The following RHOBTB2 variants were observed in gnomAD, a reference collection of about 807,000 sequenced individuals.
The protein encoded by RHOBTB2 is rho-related BTB domain-containing protein 2.
Under a neutral mutation model 66.5 loss-of-function variants are expected in RHOBTB2, and 39 were observed. The observed-to-expected ratio is 0.59, with a 90% CI of 0.45 to 0.77. The LOEUF (loss-of-function observed/expected upper bound fraction) is 0.77. Among genes scored for constraint, RHOBTB2 ranks in the 30% least tolerant of loss-of-function variants. The probability of loss-of-function intolerance (pLI) is 0.00; values close to 1 mark genes in which losing one functional copy is unlikely to be tolerated. For missense variants in RHOBTB2, 755 were observed against 999.1 expected (o/e 0.76, Z 3.29); for synonymous variants, 390 against 395.0 (o/e 0.99, Z 0.15).
chr8:22,973,480 C>T, the RHOBTB2 span, among the ~76,000 whole-genome samples: 38 of 152,210 alleles, frequency 2.5e-4, no homozygotes, highest in Non-Finnish European at 4.6e-4. Flanking sequence ...GCAATCTTCC[C>T]ACCTTGGCCT....
At chr8:23,009,170 A>AAGATAG in intron 6 of RHOBTB2, among the ~76,000 whole-genome samples, 1 of 138,312 alleles carries the variant, frequency 7.2e-6, no homozygotes, top group South Asian at 2.4e-4. Flanking sequence ...AAAAGAAAAA[A>AAGATAG]AGAGAGAGAG....
the RHOBTB2 span, among the ~76,000 whole-genome samples, chr8:22,959,222 T>C: frequency 7.0e-6 from 1 of 143,520 alleles, no homozygotes; most frequent in African/African-American, 2.6e-5. Flanking sequence ...GGGTCCCATT[T>C]TTAATCTTTC....
chr8:22,963,677 C>T, the RHOBTB2 span, among the ~76,000 whole-genome samples: 2 of 152,220 alleles, frequency 1.3e-5, no homozygotes, highest in South Asian at 2.1e-4. Flanking sequence ...ACAATCATGG[C>T]GGAAGGCAAG....
At chr8:22,963,736 G>A in the RHOBTB2 span, among the ~76,000 whole-genome samples, 1 of 152,006 alleles carries the variant, frequency 6.6e-6, no homozygotes, top group Non-Finnish European at 1.5e-5. Flanking sequence ...CAAAAAATGA[G>A]AGAGGTTGTG....
chr8:22,958,571 G>C, the RHOBTB2 span, among the ~76,000 whole-genome samples: 3 of 152,082 alleles, frequency 2.0e-5, no homozygotes, highest in Admixed American at 2.0e-4. Flanking sequence ...AGTTGAGGCA[G>C]CAGGATTTCT....
intron 1 of RHOBTB2, among the ~76,000 whole-genome samples, chr8:22,990,389 A>AGGCAGCCTGCAGGCAGGAC (rs1255898803): frequency 1.6e-3 from 245 of 152,238 alleles, no homozygotes; most frequent in Non-Finnish European, 2.6e-3. Context: ...TGCAGCTGGG[A>AGGCAGCCTGCAGGCAGGAC]GGCAGCCTGC....
Position 23,004,660 on chromosome 8 carries a change from C to G in RHOBTB2, c.192+34C>G, listed in dbSNP as rs1301852026. 3 of 1,576,218 alleles carry G rather than the reference C, an allele frequency of 1.9e-6. No homozygotes were observed. The highest frequency in any genetic ancestry group is 2.6e-6 in the Non-Finnish European group (3 of 1,157,816). On this transcript the variant is annotated intron_variant, in intron 2 of 9. Coordinates refer to ENST00000251822, the MANE Select transcript of RHOBTB2 (RefSeq NM_015178.3). This position sits in a 1 kb window ranked among gnomAD's most constrained non-coding sequence, Gnocchi z 6.4. ...GCAGGACTACCTGGCTGGGGGTCCA[C>G]GCCATGAGTCTGGGCTTGGGGGCTT...
Position 23,007,562 on chromosome 8 carries a change from T to G in RHOBTB2, c.1317T>G (p.Asp439Glu). ...VLKYLYTGEL[D>E]ENERDLMHIA... is the part of the protein sequence containing the mutation. ...AGTACCTGTACACGGGGGAGCTAGATGAGAACGAGCGTGACCTCATGCACA... is the reference window on the plus strand; with the variant it reads ...AGTACCTGTACACGGGGGAGCTAGAGGAGAACGAGCGTGACCTCATGCACA... The change falls in exon 5 of 10, where the codon GAT becomes GAG. Residue 439 changes from aspartate to glutamate, a missense_variant. Coordinates refer to ENST00000251822, the MANE Select transcript of RHOBTB2 (RefSeq NM_015178.3). 6.2e-7 allele frequency: 1 copy of G among 1,614,184 alleles called. No individual in the cohort carries two copies. The highest frequency in any genetic ancestry group is 8.5e-7 in the Non-Finnish European group (1 of 1,180,034).
chr8:22,974,273 C>T, the RHOBTB2 span, among the ~76,000 whole-genome samples: 1 of 152,348 alleles, frequency 6.6e-6, no homozygotes, highest in Admixed American at 6.5e-5. Context: ...GAGAACTGGG[C>T]TCCCGTCACC....
Position 23,017,685 on chromosome 8 carries a change from C to A in RHOBTB2, c.*216C>A. 1 of 670,180 alleles carries A rather than the reference C, an allele frequency of 1.5e-6. No individual in the cohort carries two copies. Among genetic ancestry groups the A allele is most frequent in the Non-Finnish European group, 2.5e-6 (1 of 405,292 alleles). The allele number at this position is 670,180 out of a possible 1,614,324, so 41.5% of individuals were successfully genotyped here. ...GAACCACCTGCAGAGGTCCCCAGAC[C>A]CAAAGCAGGACGGGAGACAACTGCT... On this transcript the variant is annotated 3_prime_UTR_variant, in exon 10 of 10. Coordinates refer to ENST00000251822, the MANE Select transcript of RHOBTB2 (RefSeq NM_015178.3). The surrounding 1 kb of genome is among the most constrained non-coding windows in gnomAD (Gnocchi z 5.3).
the RHOBTB2 span, among the ~76,000 whole-genome samples, chr8:22,980,247 G>A: frequency 6.6e-6 from 1 of 152,222 alleles, no homozygotes; most frequent in East Asian, 1.9e-4. Context: ...TATATCATCT[G>A]ATTAGTTTCC....
Position 22,999,890 on chromosome 8 carries a change from C to T in RHOBTB2, c.-226C>T, listed in dbSNP as rs1810716988. 6.1e-6 allele frequency: 6 copies of T among 985,184 alleles called. No homozygotes were observed. Among genetic ancestry groups the T allele is most frequent in the Non-Finnish European group, 6.0e-6 (5 of 829,856 alleles). The allele number at this position is 985,184 out of a possible 1,614,324, so 61.0% of individuals were successfully genotyped here. A position where few individuals can be genotyped will look rare whatever the true frequency, so the allele number is the denominator to read the frequency against. ...GCGGCTGCAGTGCAGCGCGCGCGTCCGCTCCTGGGCCCACGTCCGGCCTGG... is the reference window on the plus strand; with the variant it reads ...GCGGCTGCAGTGCAGCGCGCGCGTCTGCTCCTGGGCCCACGTCCGGCCTGG... On this transcript the variant is annotated 5_prime_UTR_variant, in exon 1 of 10. Coordinates refer to ENST00000251822, the MANE Select transcript of RHOBTB2 (RefSeq NM_015178.3).
the RHOBTB2 span, among the ~76,000 whole-genome samples, chr8:22,955,330 G>A: frequency 6.6e-6 from 1 of 152,080 alleles, no homozygotes; most frequent in Non-Finnish European, 1.5e-5. Flanking sequence ...ACCGCCTTTC[G>A]GAAGAGCACT....
chr8:23,010,758 CCT>C, intron 7 of RHOBTB2, 70 bp downstream of exon 7: 2 of 1,513,796 alleles, frequency 1.3e-6, no homozygotes, highest in Non-Finnish European at 1.8e-6. Context: ...GCAATGTTCT[CCT>C]CTCACGTCTC....
At chr8:22,955,705 G>T in the RHOBTB2 span, among the ~76,000 whole-genome samples, 1 of 151,644 alleles carries the variant, frequency 6.6e-6, no homozygotes, top group Non-Finnish European at 1.5e-5. Flanking sequence ...AAATAGCTGG[G>T]ACTACAGGTG....
the RHOBTB2 span, among the ~76,000 whole-genome samples, chr8:22,960,013 A>AT: frequency 6.7e-6 from 1 of 150,006 alleles, no homozygotes; most frequent in South Asian, 2.1e-4. Context: ...AAAAAAAAAA[A>AT]AAAAAAAATA....
At chr8:23,008,255 T>A in intron 6 of RHOBTB2, 144 bp downstream of exon 6, 1 of 635,010 alleles carries the variant, frequency 1.6e-6, no homozygotes, top group Non-Finnish European at 2.8e-6. Flanking sequence ...TATGAGGTGG[T>A]TCTTGGAGCT....
At chr8:22,997,918 G>C (rs1230108677), upstream of RHOBTB2, among the ~76,000 whole-genome samples, 1 of 152,216 alleles carries the variant, frequency 6.6e-6, no homozygotes, top group Non-Finnish European at 1.5e-5. Flanking sequence ...AACATGTGGA[G>C]GAAGAACATG....
At chr8:23,009,167 A>AG (rs1811059437) in intron 6 of RHOBTB2, among the ~76,000 whole-genome samples, 2 of 49,310 alleles carry the variant, frequency 4.1e-5, no homozygotes, top group African/African-American at 7.5e-5. Context: ...AAAAAAAGAA[A>AG]AAAAGAGAGA....
Sources: allele counts gnomAD v4.1 joint callset (sites outside exome capture counted in the v4.1 genomes callset), GRCh38; gene constraint gnomAD v4.1.1; non-coding constraint Gnocchi (gnomAD v3.1); transcripts MANE v1.5; gene names NCBI Gene and HGNC (gene_info 2026-07-23, HGNC 2026-07-21).